DSCAML1: variants seen among roughly 807,000 people sequenced by gnomAD.
The protein encoded by DSCAML1 is cell adhesion molecule DSCAML1.
Under a neutral mutation model 200.5 loss-of-function variants are expected in DSCAML1, and 38 were observed. The observed-to-expected ratio is 0.19, with a 90% confidence interval of 0.15 to 0.25. The LOEUF is 0.25. DSCAML1 is among the 10% of genes least tolerant of loss of function. The pLI, the probability that DSCAML1 is intolerant of heterozygous loss-of-function variation, is 1.00. For synonymous variants in DSCAML1, 1,215 were observed against 1,165.0 expected, an observed-to-expected ratio of 1.04 and a Z score of -0.87; for missense variants, 2,223 against 2,858.8, an observed-to-expected ratio of 0.78 and a Z score of 5.07.
chr11:117,667,920 G>A (rs1377022917), intron 3 of DSCAML1, among the ~76,000 whole-genome samples: 2 of 152,218 alleles, frequency 1.3e-5, no homozygotes, highest in Non-Finnish European at 2.9e-5. Context: ...ATGGAATCTA[G>A]TGCCAGATGA....
intron 3 of DSCAML1, among the ~76,000 whole-genome samples, chr11:117,764,380 CATAT>C (rs1460849459): frequency 2.0e-5 from 3 of 152,128 alleles, no homozygotes; most frequent in Non-Finnish European, 2.9e-5. Flanking sequence ...CACATGCACG[CATAT>C]ATATTTTAAT....
intron 3 of DSCAML1, among the ~76,000 whole-genome samples, chr11:117,711,978 T>G (rs1233808222): frequency 6.6e-6 from 1 of 152,260 alleles, no homozygotes; most frequent in East Asian, 1.9e-4. Flanking sequence ...TATCAAATGT[T>G]GCAGTGCGTT....
At chr11:117,577,398 TCCC>T (rs2050951399) in intron 3 of DSCAML1, among the ~76,000 whole-genome samples, 4 of 100,708 alleles carry the variant, frequency 4.0e-5, no homozygotes, top group Middle Eastern at 8.5e-3. Flanking sequence ...CCTCCCTCCC[TCCC>T]TCCCTCCCTC....
chr11:117,457,498 C>T (rs1333757092), intron 19 of DSCAML1, among the ~76,000 whole-genome samples: 1 of 152,236 alleles, frequency 6.6e-6, no homozygotes, highest in African/African-American at 2.4e-5. Context: ...CTCTAGATGC[C>T]ATCTCAGCAC....
chr11:117,580,298 C>T (rs1267993689), intron 3 of DSCAML1, among the ~76,000 whole-genome samples: 1 of 152,194 alleles, frequency 6.6e-6, no homozygotes, highest in Non-Finnish European at 1.5e-5. Flanking sequence ...GGCAAAGTTA[C>T]CAGCAGCTTT....
intron 3 of DSCAML1, among the ~76,000 whole-genome samples, chr11:117,740,175 T>C (rs1168459134): frequency 6.6e-6 from 1 of 152,090 alleles, no homozygotes; most frequent in African/African-American, 2.4e-5. Flanking sequence ...CCAGGGCCCT[T>C]ACATATATTA....
At chr11:117,612,997 G>T (rs1242653585) in intron 3 of DSCAML1, among the ~76,000 whole-genome samples, 2 of 152,172 alleles carry the variant, frequency 1.3e-5, no homozygotes, top group Admixed American at 6.5e-5. Flanking sequence ...AGCCACGGAG[G>T]TTAGACTGGA....
chr11:117,724,971 A>G (rs1037713096), intron 3 of DSCAML1, among the ~76,000 whole-genome samples: 1 of 152,252 alleles, frequency 6.6e-6, no homozygotes, highest in African/African-American at 2.4e-5. Context: ...ATGGGAGGGC[A>G]GAGGGAATGC....
intron 3 of DSCAML1, among the ~76,000 whole-genome samples, chr11:117,580,314 C>T (rs1326696662): frequency 6.6e-6 from 1 of 152,218 alleles, no homozygotes; most frequent in Non-Finnish European, 1.5e-5. Flanking sequence ...GCTTTCTCAC[C>T]TAGGTGCTGG....
intron 1 of DSCAML1, among the ~76,000 whole-genome samples, chr11:117,813,364 T>A (rs2055776523): frequency 6.6e-6 from 1 of 152,214 alleles, no homozygotes; most frequent in Admixed American, 6.5e-5. Flanking sequence ...CATACTCCTA[T>A]TCACCGTTCT....
At chr11:117,623,101 G>A (rs2051969452) in intron 3 of DSCAML1, among the ~76,000 whole-genome samples, 1 of 152,012 alleles carries the variant, frequency 6.6e-6, no homozygotes, top group South Asian at 2.1e-4. Context: ...TCTCTCCTAT[G>A]AGACATGAGA....
intron 3 of DSCAML1, among the ~76,000 whole-genome samples, chr11:117,702,948 A>G (rs1202326869): frequency 6.6e-6 from 1 of 152,220 alleles, no homozygotes; most frequent in Non-Finnish European, 1.5e-5. Flanking sequence ...GATGCAAATA[A>G]CCACCTCCTA....
At chr11:117,694,355 G>A (rs1017221051) in intron 3 of DSCAML1, among the ~76,000 whole-genome samples, 3 of 150,830 alleles carry the variant, frequency 2.0e-5, no homozygotes, top group African/African-American at 4.9e-5. Flanking sequence ...GCAGTGAGCT[G>A]AGATAGCACC....
chr11:117,437,381 G>T lies in DSCAML1; in HGVS notation c.4461C>A (p.Leu1487=), dbSNP rs746211020. ...CATGCGTGGAGTTGATGTGGGTGAAGAGGTGTTGGTCTTTGCTGAAGGAGG... is the reference window on the plus strand; with the variant it reads ...CATGCGTGGAGTTGATGTGGGTGAATAGGTGTTGGTCTTTGCTGAAGGAGG... ...REPSFSKDQH[L]FTHINSTHAR... Residue 1487 remains leucine (L), a synonymous_variant, in exon 26 of 33, where the codon CTC becomes CTA. Transcript: ENST00000651296. The surrounding 1 kb of genome is among the most constrained non-coding windows in gnomAD (Gnocchi z 5.3). 2.5e-6 allele frequency: 4 copies of T among 1,613,958 alleles called. No individual in the cohort carries two copies. Among genetic ancestry groups the T allele is most frequent in the Non-Finnish European group, 8.5e-7 (1 of 1,179,930 alleles).
chr11:117,810,464 C>T (rs2055752090), intron 1 of DSCAML1, among the ~76,000 whole-genome samples: 1 of 152,070 alleles, frequency 6.6e-6, no homozygotes, highest in Admixed American at 6.6e-5. Flanking sequence ...CGTGCCCCAA[C>T]CCTTTCTCTG....
intron 11 of DSCAML1, among the ~76,000 whole-genome samples, chr11:117,501,977 T>A (rs1031223935): frequency 1.3e-5 from 2 of 152,068 alleles, no homozygotes; most frequent in African/African-American, 4.8e-5. Context: ...TGGGGCCCCA[T>A]AGGTGAGCCC....
At chr11:117,632,735 T>C (rs1318460084) in intron 3 of DSCAML1, among the ~76,000 whole-genome samples, 1 of 152,244 alleles carries the variant, frequency 6.6e-6, no homozygotes. Flanking sequence ...CGTGGGTCAG[T>C]TGCCCTGGAA....
chr11:117,475,078 C>T (rs1209869628), intron 14 of DSCAML1, among the ~76,000 whole-genome samples: 5 of 152,012 alleles, frequency 3.3e-5, no homozygotes, highest in Non-Finnish European at 4.4e-5. Flanking sequence ...TGAATCCTTC[C>T]GCTTCCCTCC....
chr11:117,522,468 T>C (rs1012971231), intron 5 of DSCAML1, among the ~76,000 whole-genome samples: 12 of 152,212 alleles, frequency 7.9e-5, no homozygotes, highest in African/African-American at 2.7e-4. Flanking sequence ...AACTGACCTC[T>C]CCTTGATCTC....
Sources: allele counts gnomAD v4.1 joint callset (sites outside exome capture counted in the v4.1 genomes callset), GRCh38; gene constraint gnomAD v4.1.1; non-coding constraint Gnocchi (gnomAD v3.1); transcripts MANE v1.5; gene names NCBI Gene and HGNC (gene_info 2026-07-23, HGNC 2026-07-21).